Variants in ZNF326 observed in about 807,000 individuals in gnomAD.
The protein encoded by ZNF326 is zinc finger protein 326, also known as DBIRD complex subunit ZNF326.
In ZNF326, 30 loss-of-function variants were observed where a neutral mutation model predicts 63.1. The ratio of observed to expected loss-of-function variants is 0.48; its 90% CI spans 0.36 to 0.64. ZNF326 has a LOEUF of 0.64. Ranked by LOEUF, ZNF326 falls within the 30% of genes least tolerant of loss-of-function variation. The pLI, the probability that ZNF326 is intolerant of heterozygous loss-of-function variation, is 0.00. For missense variants in ZNF326, 609 were observed against 720.3 expected (o/e 0.85, Z 1.77); for synonymous variants, 194 against 228.2 (o/e 0.85, Z 1.35).
chr1:90,034,086 G>C lies in ZNF326; in HGVS notation c.*6385G>C, dbSNP rs897107579. 1.3e-5 allele frequency: 2 copies of C among 152,124 alleles called. No homozygotes were observed. The highest frequency in any genetic ancestry group is 4.8e-5 in the African/African-American group (2 of 41,450). The allele number at this position is 152,124 out of a possible 1,614,324, so 9.4% of individuals were successfully genotyped here. ...AGAAAAATCTCAAAATGTCTAAAGAGAAACAGTGTACCTATAAGGGGAAAA... is the reference window on the plus strand; with the variant it reads ...AGAAAAATCTCAAAATGTCTAAAGACAAACAGTGTACCTATAAGGGGAAAA... On this transcript the variant is annotated 3_prime_UTR_variant, in exon 12 of 12. Transcript: ENST00000340281.
intron 5 of ZNF326, among the ~76,000 whole-genome samples, chr1:90,008,371 G>A (rs920151435): frequency 1.3e-5 from 2 of 152,064 alleles, no homozygotes; most frequent in Non-Finnish European, 2.9e-5. Flanking sequence ...ATTTTCCCTC[G>A]TGTTACTAGT....
At chr1:90,015,433 A>G (rs1649457592) in intron 7 of ZNF326, among the ~76,000 whole-genome samples, 1 of 152,224 alleles carries the variant, frequency 6.6e-6, no homozygotes, top group Admixed American at 6.5e-5. Context: ...TAATTCCAGT[A>G]CCTTGGGAGG....
At chr1:90,019,253 G>A (rs1649646511) in intron 9 of ZNF326, among the ~76,000 whole-genome samples, 1 of 152,102 alleles carries the variant, frequency 6.6e-6, no homozygotes, top group African/African-American at 2.4e-5. Flanking sequence ...ACAGACACTA[G>A]TTCTCCTAAA....
chr1:90,030,036 T>A lies in ZNF326; in HGVS notation c.*2335T>A, dbSNP rs572315328. On this transcript the variant is annotated 3_prime_UTR_variant, in exon 12 of 12. Transcript: ENST00000340281. Reference sequence around the variant, plus strand: ...TTGTTTTCTCTATTACAAAGTGAGATACATAGTTCTAAATAACCAAAGAAA... The same window carrying A: ...TTGTTTTCTCTATTACAAAGTGAGAAACATAGTTCTAAATAACCAAAGAAA... 1 of 152,242 alleles carries A rather than the reference T, an allele frequency of 6.6e-6. No individual in the cohort carries two copies. Among genetic ancestry groups the A allele is most frequent in the Non-Finnish European group, 1.5e-5 (1 of 68,038 alleles). 9.4% of individuals were successfully genotyped at this position (152,242 alleles called of 1,614,324 possible). A position where few individuals can be genotyped will look rare whatever the true frequency, so the allele number is the denominator to read the frequency against.
At chr1:90,005,894 A>G (rs1031181272) in intron 4 of ZNF326, 1 of 985,410 alleles carries the variant, frequency 1.0e-6, no homozygotes, top group Non-Finnish European at 1.2e-6. Context: ...TCGAGATTGT[A>G]TTTATATTTT....
chr1:90,024,670 A>G (rs2101094653), intron 11 of ZNF326, among the ~76,000 whole-genome samples: 1 of 152,172 alleles, frequency 6.6e-6, no homozygotes, highest in Admixed American at 6.5e-5. Context: ...GCCAGAGTTC[A>G]GTGGTGCGAT....
At chr1:90,001,209 G>C (rs565727346) in intron 2 of ZNF326, among the ~76,000 whole-genome samples, 12 of 152,134 alleles carry the variant, frequency 7.9e-5, no homozygotes, top group Non-Finnish European at 1.6e-4. Context: ...ATGTCCCCAG[G>C]GGGTGCAAAA....
chr1:90,033,437 T>G lies in ZNF326; in HGVS notation c.*5736T>G, dbSNP rs1393520663. 1 of 152,202 alleles carries G rather than the reference T, an allele frequency of 6.6e-6. No homozygotes were observed. Among genetic ancestry groups the G allele is most frequent in the Admixed American group, 6.5e-5 (1 of 15,286 alleles). 9.4% of individuals were successfully genotyped at this position (152,202 alleles called of 1,614,324 possible). A position where few individuals can be genotyped will look rare whatever the true frequency, so the allele number is the denominator to read the frequency against. ...CAAGTATAATTAGTATTATATGGAA[T>G]AATAATTACTACTACTTATAATAGT... On this transcript the variant is annotated 3_prime_UTR_variant, in exon 12 of 12. Coordinates refer to ENST00000340281, the MANE Select transcript of ZNF326 (RefSeq NM_182976.4).
intron 6 of ZNF326, among the ~76,000 whole-genome samples, chr1:90,010,845 G>A (rs980141302): frequency 6.6e-6 from 1 of 152,018 alleles, no homozygotes; most frequent in East Asian, 1.9e-4. Flanking sequence ...TTTAAAAGGT[G>A]TACTTAAATT....
At chr1:89,997,460 G>C (rs1490050769) in intron 1 of ZNF326, among the ~76,000 whole-genome samples, 2 of 151,820 alleles carry the variant, frequency 1.3e-5, no homozygotes, top group South Asian at 2.1e-4. Flanking sequence ...TGCAGCCTCT[G>C]CCTCCTGGAT....
intron 2 of ZNF326, among the ~76,000 whole-genome samples, chr1:89,998,779 C>T (rs1389784884): frequency 6.6e-6 from 1 of 151,994 alleles, no homozygotes; most frequent in African/African-American, 2.4e-5. Flanking sequence ...AAAAAAAGAA[C>T]ACAGAACAAT....
intron 4 of ZNF326, chr1:90,006,357 G>A (rs1648987772): frequency 1.0e-6 from 1 of 980,664 alleles, no homozygotes; most frequent in Non-Finnish European, 1.2e-6. Context: ...TATTGTGAAT[G>A]TAATGTGCAT....
intron 11 of ZNF326, among the ~76,000 whole-genome samples, chr1:90,023,386 C>CT (rs1384717188): frequency 6.6e-6 from 1 of 152,166 alleles, no homozygotes; most frequent in Admixed American, 6.5e-5. Flanking sequence ...AACAGCTACT[C>CT]TGTGAAGAAA....
At chr1:90,003,972 T>C (rs183831377) in intron 2 of ZNF326, among the ~76,000 whole-genome samples, 1 of 152,280 alleles carries the variant, frequency 6.6e-6, no homozygotes, top group East Asian at 1.9e-4. Flanking sequence ...GTGTGTACTA[T>C]TGTATTTATT....
intron 7 of ZNF326, among the ~76,000 whole-genome samples, chr1:90,016,519 C>CA (rs762029658): frequency 3.3e-5 from 5 of 151,954 alleles, no homozygotes; most frequent in Non-Finnish European, 7.4e-5. Context: ...AGTTCAAGAC[C>CA]AGCCTGGCCA....
chr1:90,017,477 T>G lies in ZNF326; in HGVS notation c.1074+13T>G, dbSNP rs745539412. ...GGAGTTTTTGCATGTGAGTAGCTGT[T>G]TTTGAAGTGAGAAGCATTTTATTGA... On this transcript the variant is annotated intron_variant, in intron 8 of 11. Coordinates refer to ENST00000340281, the MANE Select transcript of ZNF326 (RefSeq NM_182976.4). 5.9e-5 allele frequency: 93 copies of G among 1,563,452 alleles called. No individual in the cohort carries two copies. Among genetic ancestry groups the G allele is most frequent in the Non-Finnish European group, 7.8e-5 (91 of 1,164,370 alleles).
At position 90,033,341 on chromosome 1, in the gene ZNF326, A is replaced by G. The variant is rs1025342210; in HGVS notation, c.*5640A>G. 1 of 152,182 alleles carries G rather than the reference A, an allele frequency of 6.6e-6. No individual in the cohort carries two copies. Among genetic ancestry groups the G allele is most frequent in the African/African-American group, 2.4e-5 (1 of 41,434 alleles). 9.4% of individuals were successfully genotyped at this position (152,182 alleles called of 1,614,324 possible). ...GCAAATATTTAAGGAAAAGAGCAAC[A>G]TGAAAAATACACAGCAAACTTAACA... On this transcript the variant is annotated 3_prime_UTR_variant, in exon 12 of 12. Coordinates refer to ENST00000340281, the MANE Select transcript of ZNF326 (RefSeq NM_182976.4).
chr1:90,009,035 T>C (rs1649118784), intron 5 of ZNF326, among the ~76,000 whole-genome samples: 1 of 152,202 alleles, frequency 6.6e-6, no homozygotes, highest in African/African-American at 2.4e-5. Context: ...AAATCCATTC[T>C]AGTTTGAAAA....
rs1386230106 is a variant in ZNF326, at chr1:90,029,332, A to G, written c.*1631A>G. On this transcript the variant is annotated 3_prime_UTR_variant, in exon 12 of 12. Transcript: ENST00000340281. ...TAGGTTTGCCTAGCTTTAAGCTAGC[A>G]ATATCTGATAGATACTTGCATCTAA... The G allele has an allele frequency of 6.6e-6, 1 of 151,848 alleles. No individual in the cohort carries two copies. Among genetic ancestry groups the G allele is most frequent in the Admixed American group, 6.6e-5 (1 of 15,228 alleles). The allele number at this position is 151,848 out of a possible 1,614,324, so 9.4% of individuals were successfully genotyped here. A position where few individuals can be genotyped will look rare whatever the true frequency, so the allele number is the denominator to read the frequency against.
Sources: gnomAD v4.1 joint callset for allele counts (sites outside exome capture counted in the v4.1 genomes callset) on GRCh38, gnomAD v4.1.1 for gene constraint, MANE v1.5 for transcripts, NCBI Gene and HGNC (gene_info 2026-07-23, HGNC 2026-07-21) for gene names.